Variants in BICD1 observed in about 807,000 individuals in gnomAD.
The protein encoded by BICD1 is BICD cargo adaptor 1.
BICD1 carries 35 observed loss-of-function variants against 92.5 expected under a neutral mutation model. That is an observed-to-expected ratio of 0.38 (90% CI 0.29 to 0.50). The LOEUF (loss-of-function observed/expected upper bound fraction) is 0.50. BICD1 is among the 20% of genes least tolerant of loss of function. The pLI, the probability that BICD1 is intolerant of heterozygous loss-of-function variation, is 0.93. For synonymous variants in BICD1, 429 were observed against 465.1 expected (o/e 0.92, Z 1.00); for missense variants, 950 against 1,189.8 (o/e 0.80, Z 2.97).
chr12:32,348,016 C>T (rs1938694059), intron 8 of BICD1, among the ~76,000 whole-genome samples: 1 of 152,150 alleles, frequency 6.6e-6, no homozygotes, highest in Admixed American at 6.5e-5. Context: ...ACTGAGTAAA[C>T]CATTCCATGC....
intron 5 of BICD1, among the ~76,000 whole-genome samples, chr12:32,330,350 C>T (rs1022023927): frequency 1.1e-4 from 16 of 146,906 alleles, no homozygotes; most frequent in African/African-American, 3.6e-4. Context: ...CACAAGTTCT[C>T]GCTCATAGGT....
intron 1 of BICD1, among the ~76,000 whole-genome samples, chr12:32,171,372 G>C (rs1943931329): frequency 6.6e-6 from 1 of 152,224 alleles, no homozygotes; most frequent in South Asian, 2.1e-4. Context: ...AAGCTTTGCT[G>C]TTGTTTTAAA....
intron 9 of BICD1, among the ~76,000 whole-genome samples, chr12:32,373,144 A>G (rs1939803317): frequency 6.6e-6 from 1 of 152,214 alleles, no homozygotes; most frequent in Non-Finnish European, 1.5e-5. Flanking sequence ...ACAGCTTCCT[A>G]AACTTGCCAT....
intron 5 of BICD1, chr12:32,333,201 G>A (rs1183735000): frequency 1.7e-5 from 17 of 984,730 alleles, no homozygotes; most frequent in East Asian, 2.3e-4. Context: ...ATGTGTCTAA[G>A]CTTTTTAAAC....
At chr12:32,297,149 T>C (rs1225762306) in intron 3 of BICD1, among the ~76,000 whole-genome samples, 3 of 152,190 alleles carry the variant, frequency 2.0e-5, no homozygotes, top group Non-Finnish European at 4.4e-5. Context: ...TAGTAACTGA[T>C]CTTTCTTTAT....
In BICD1 at chr12:32,128,194, G is replaced by A. The variant is rs370260284; in HGVS notation, c.213+20650G>A. ...GTTGGGATCACAGGCGTGAGCCACC[G>A]CACCCGGCCTGAGCTAATTCTTAAG... is the stretch of plus-strand genomic sequence containing the variant. On this transcript the variant is annotated intron_variant, in intron 1 of 9. Coordinates refer to ENST00000652176, the MANE Select transcript of BICD1 (RefSeq NM_001714.4). Among the ~76,000 whole-genome samples the A allele has an allele frequency of 7.0e-4, 107 of 152,248 alleles. No homozygotes were observed. In the South Asian group the frequency reaches 0.021, roughly 30 times the overall value.
At chr12:32,301,308 C>T (rs11830407) in intron 3 of BICD1, among the ~76,000 whole-genome samples, 21,249 of 151,836 alleles carry the variant, frequency 0.14, 1,560 homozygotes, top group East Asian at 0.2. Flanking sequence ...GAAGTAACAA[C>T]CTAGTTGAAA....
At chr12:32,196,863 T>C (rs1944741332) in intron 1 of BICD1, among the ~76,000 whole-genome samples, 1 of 152,244 alleles carries the variant, frequency 6.6e-6, no homozygotes, top group Non-Finnish European at 1.5e-5. Flanking sequence ...TGTGTATGTA[T>C]ATCAAATCAT....
chr12:32,107,615 C>T, intron 1 of BICD1, 71 bp downstream of exon 1: 1 of 1,462,444 alleles, frequency 6.8e-7, no homozygotes, highest in South Asian at 1.2e-5. Flanking sequence ...TCATCATGAT[C>T]AAGAAGTCAT....
intron 8 of BICD1, chr12:32,353,892 A>C (rs1380998393): frequency 1.3e-5 from 2 of 152,178 alleles, no homozygotes; most frequent in Non-Finnish European, 2.9e-5. Flanking sequence ...TTCTAAACAG[A>C]AGGTTATTTT....
chr12:32,247,223 C>G (rs545091248), intron 2 of BICD1, among the ~76,000 whole-genome samples: 1 of 131,656 alleles, frequency 7.6e-6, no homozygotes, highest in Non-Finnish European at 1.6e-5. Context: ...GATGACAGAG[C>G]GAGACCCTGT....
At chr12:32,294,847 C>T (rs922254603) in intron 3 of BICD1, among the ~76,000 whole-genome samples, 2 of 151,536 alleles carry the variant, frequency 1.3e-5, no homozygotes, top group South Asian at 2.1e-4. Flanking sequence ...TTTGGGAGGC[C>T]GAGGCGGGTG....
Position 32,177,918 on chromosome 12 carries a change from C to T in BICD1, c.214-38329C>T, listed in dbSNP as rs539456837. 2.0e-3 allele frequency among the ~76,000 whole-genome samples: 304 copies of T among 150,400 alleles called. 1 individual carries two copies. The highest frequency in any genetic ancestry group is 6.9e-3 in the African/African-American group (285 of 41,110). Reference sequence around the variant, plus strand: ...TGCAGCTGTTAAAAATAGTGATATACGTGTGTTTAGAATGTATGTTAAATT... The same window carrying T: ...TGCAGCTGTTAAAAATAGTGATATATGTGTGTTTAGAATGTATGTTAAATT... On this transcript the variant is annotated intron_variant, in intron 1 of 9. Transcript: ENST00000652176.
At chr12:32,345,723 A>G (rs1938540305) in intron 8 of BICD1, among the ~76,000 whole-genome samples, 1 of 152,230 alleles carries the variant, frequency 6.6e-6, no homozygotes, top group South Asian at 2.1e-4. Flanking sequence ...TATGTGTGCA[A>G]TAGAAATATT....
chr12:32,232,846 A>C (rs1945933260), intron 2 of BICD1, among the ~76,000 whole-genome samples: 1 of 152,190 alleles, frequency 6.6e-6, no homozygotes, highest in African/African-American at 2.4e-5. Context: ...TAAATAGGGA[A>C]TCCTTTCCCC....
chr12:32,328,697 G>A lies in BICD1; in HGVS notation c.2100+142G>A. ...GATAAATAAAACTGTCCCAGTGCCA[G>A]ATCAGAATGTCATAATAATTATTGT... On this transcript the variant is annotated intron_variant, in intron 5 of 9. Transcript: ENST00000652176. The surrounding 1 kb of genome is among the most constrained non-coding windows in gnomAD (Gnocchi z 4.4). 8 of 1,168,476 alleles carry A rather than the reference G, an allele frequency of 6.8e-6. No individual in the cohort carries two copies. The highest frequency in any genetic ancestry group is 7.1e-6 in the Non-Finnish European group (6 of 848,532). 72.4% of individuals were successfully genotyped at this position (1,168,476 alleles called of 1,614,324 possible).
chr12:32,199,059 T>A (rs994964244), intron 1 of BICD1, among the ~76,000 whole-genome samples: 3 of 152,224 alleles, frequency 2.0e-5, no homozygotes, highest in Admixed American at 6.5e-5. Context: ...AAGACATGAA[T>A]TTGAGGCTGT....
chr12:32,109,393 A>G (rs1410385626), intron 1 of BICD1: 1 of 152,180 alleles, frequency 6.6e-6, no homozygotes, highest in African/African-American at 2.4e-5. Context: ...ATAGGAAGTG[A>G]CAGATGTTAA....
At chr12:32,270,981 A>AGCCACCATGC (rs1290161055) in intron 2 of BICD1, among the ~76,000 whole-genome samples, 1 of 152,186 alleles carries the variant, frequency 6.6e-6, no homozygotes, top group African/African-American at 2.4e-5. Context: ...GCCAGCCGGA[A>AGCCACCATGC]GCCACCATGC....
Sources: gnomAD v4.1 joint callset for allele counts (sites outside exome capture counted in the v4.1 genomes callset) on GRCh38, gnomAD v4.1.1 for gene constraint, Gnocchi (gnomAD v3.1) non-coding constraint, MANE v1.5 for transcripts, NCBI Gene and HGNC (gene_info 2026-07-23, HGNC 2026-07-21) for gene names.